DNAH12: variants seen among roughly 807,000 people sequenced by gnomAD.
DNAH12 encodes dynein axonemal heavy chain 12.
A neutral mutation model predicts 371.5 loss-of-function variants in DNAH12; 285 were observed. The ratio of observed to expected loss-of-function variants is 0.77; its 90% CI spans 0.70 to 0.85. DNAH12 has a LOEUF of 0.85. Ranked by LOEUF, DNAH12 falls within the 40% of genes least tolerant of loss-of-function variation. The pLI is 0.00. For missense variants in DNAH12, 3,611 were observed against 3,689.4 expected (o/e 0.98, Z 0.55); for synonymous variants, 1,200 against 1,213.0 (o/e 0.99, Z 0.22).
intron 60 of DNAH12, among the ~76,000 whole-genome samples, chr3:57,341,385 T>C (rs573853682): frequency 5.3e-5 from 8 of 152,218 alleles, no homozygotes; most frequent in Admixed American, 2.6e-4. Context: ...TTAAAACTAA[T>C]AAATTCAGTA....
At chr3:57,514,112 G>A (rs1377818034) in intron 4 of DNAH12, among the ~76,000 whole-genome samples, 2 of 152,042 alleles carry the variant, frequency 1.3e-5, no homozygotes, top group Non-Finnish European at 2.9e-5. Flanking sequence ...AACAAAATGC[G>A]GCCGGGTGCA....
At chr3:57,349,390 C>T (rs2062618635) in intron 60 of DNAH12, among the ~76,000 whole-genome samples, 1 of 152,152 alleles carries the variant, frequency 6.6e-6, no homozygotes, top group East Asian at 1.9e-4. Context: ...CTAGTACAAC[C>T]ACTACAGAAA....
chr3:57,302,529 GTATATATATATATATATATATA>G (rs71088055), intron 69 of DNAH12, among the ~76,000 whole-genome samples: 2 of 47,850 alleles, frequency 4.2e-5, no homozygotes, highest in Non-Finnish European at 6.8e-5. Flanking sequence ...GGCATCAGGT[GTATATATATATATATATATATA>G]TATATATATA....
intron 4 of DNAH12, among the ~76,000 whole-genome samples, chr3:57,513,867 G>A (rs375112878): frequency 3.3e-5 from 5 of 152,212 alleles, no homozygotes; most frequent in African/African-American, 1.2e-4. Context: ...ATTTTGGAAA[G>A]AAATTTTGCA....
At chr3:57,538,587 A>T (rs1299371821) in intron 2 of DNAH12, among the ~76,000 whole-genome samples, 1 of 152,204 alleles carries the variant, frequency 6.6e-6, no homozygotes, top group East Asian at 1.9e-4. Flanking sequence ...TGTGCTTATG[A>T]CATCCTGCTC....
At chr3:57,412,143 G>T (rs534689089) in intron 39 of DNAH12, among the ~76,000 whole-genome samples, 1 of 152,312 alleles carries the variant, frequency 6.6e-6, no homozygotes, top group Non-Finnish European at 1.5e-5. Flanking sequence ...TACCTAGGAG[G>T]CTGAGGCAGA....
rs1328371880 is a variant in DNAH12, at chr3:57,375,868, T to C, written c.8563A>G (p.Thr2855Ala). The C allele has an allele frequency of 6.6e-6, 1 of 152,128 alleles. No individual in the cohort carries two copies. The highest frequency in any genetic ancestry group is 1.5e-5 in the Non-Finnish European group (1 of 68,018). The allele number at this position is 152,128 out of a possible 1,614,324, so 9.4% of individuals were successfully genotyped here. A position where few individuals can be genotyped will look rare whatever the true frequency, so the allele number is the denominator to read the frequency against. Residue 2855 changes from threonine (T) to alanine (A), a missense_variant, in exon 54 of 74, where the codon ACT (threonine) becomes GCT (alanine). By Grantham distance (58) the Thr-to-Ala change is moderately conservative (BLOSUM62 0). Coordinates refer to ENST00000495027, the MANE Select transcript of DNAH12 (RefSeq NM_001366028.2). ...GTACATGTTTGTCGAAAGCCAGAAG[T>C]GAAAGCACCAAGGTAAGCTATTACT... Reference protein sequence around the residue: ...AGVIAYLGAFTSGFRQTCTKD... With the variant: ...AGVIAYLGAFASGFRQTCTKD...
rs17736736 is a variant in DNAH12, at chr3:57,428,798, A to G, written c.5088T>C (p.Gly1696=). The G allele has an allele frequency of 0.028, 43,848 of 1,540,422 alleles. 716 individuals carry two copies. The highest frequency in any genetic ancestry group is 0.033 in the Middle Eastern group (194 of 5,938). The change falls in exon 34 of 74, where the codon GGT becomes GGC. Residue 1696 remains glycine (G), a synonymous_variant. Coordinates refer to ENST00000495027, the MANE Select transcript of DNAH12 (RefSeq NM_001366028.2). The stretch of plus-strand genomic sequence containing the variant: ...ACTGTGAAGGCTCCAAATAAATCAT[A>G]CCACAACGACTTACAGTGGCAGGCT... ...QASPATVSRC[G]MIYLEPSQLG... is the part of the protein sequence containing the mutation.
At chr3:57,336,736 A>G (rs1553653875) in intron 60 of DNAH12, among the ~76,000 whole-genome samples, 1 of 152,216 alleles carries the variant, frequency 6.6e-6, no homozygotes, top group African/African-American at 2.4e-5. Context: ...TTTGGAAGTC[A>G]TCACTCACAT....
intron 11 of DNAH12, among the ~76,000 whole-genome samples, chr3:57,500,805 G>A (rs1471927276): frequency 1.3e-5 from 2 of 152,034 alleles, no homozygotes; most frequent in Non-Finnish European, 2.9e-5. Flanking sequence ...TGCCCAGCTG[G>A]AGTACAGTGG....
chr3:57,338,171 C>T (rs2062278776), intron 60 of DNAH12, among the ~76,000 whole-genome samples: 1 of 152,174 alleles, frequency 6.6e-6, no homozygotes, highest in African/African-American at 2.4e-5. Flanking sequence ...CGACGCCATG[C>T]CTGACTGGTT....
intron 12 of DNAH12, among the ~76,000 whole-genome samples, chr3:57,483,792 A>G (rs1049970475): frequency 2.0e-5 from 3 of 151,674 alleles, no homozygotes; most frequent in Non-Finnish European, 4.4e-5. Flanking sequence ...CAAAAAAAAA[A>G]AATACAAAAA....
rs984581729 is a variant in DNAH12, at chr3:57,349,005, G to A, written c.9674+3080C>T. 6.9e-4 allele frequency among the ~76,000 whole-genome samples: 102 copies of A among 147,538 alleles called. 1 individual carries two copies. The highest frequency in any genetic ancestry group is 2.6e-3 in the African/African-American group (102 of 39,118). On this transcript the variant is annotated intron_variant, in intron 60 of 73. Coordinates refer to ENST00000495027, the MANE Select transcript of DNAH12 (RefSeq NM_001366028.2). ...GACTTAATTAAACTAAAAACCTCCT[G>A]CACAGCAAAAGAAATAATCAGCAGA...
At chr3:57,357,584 A>C (rs1035128379) in intron 58 of DNAH12, among the ~76,000 whole-genome samples, 2 of 152,142 alleles carry the variant, frequency 1.3e-5, no homozygotes, top group African/African-American at 2.4e-5. Flanking sequence ...AAGGAGGAAC[A>C]AGAGAGGAAA....
intron 25 of DNAH12, among the ~76,000 whole-genome samples, chr3:57,451,368 C>T (rs932235863): frequency 1.3e-5 from 2 of 152,142 alleles, no homozygotes; most frequent in Non-Finnish European, 2.9e-5. Context: ...CAGTGGCTCA[C>T]GTCTGCAATC....
intron 12 of DNAH12, among the ~76,000 whole-genome samples, chr3:57,488,367 T>C (rs775829135): frequency 4.6e-5 from 7 of 152,112 alleles, no homozygotes; most frequent in Non-Finnish European, 7.4e-5. Context: ...TAATTTTTTG[T>C]ATTTTTAGTA....
chr3:57,303,668 T>C (rs891675006), intron 69 of DNAH12, among the ~76,000 whole-genome samples: 24 of 152,092 alleles, frequency 1.6e-4, no homozygotes, highest in African/African-American at 4.8e-4. Context: ...CCTTATAAAG[T>C]GTTGGGGTTA....
intron 60 of DNAH12, among the ~76,000 whole-genome samples, chr3:57,348,270 G>C (rs528788865): frequency 6.6e-6 from 1 of 152,068 alleles, no homozygotes; most frequent in Non-Finnish European, 1.5e-5. Flanking sequence ...CATACATAGC[G>C]CATAATTCCA....
At chr3:57,399,174 AC>A (rs2063805201) in intron 43 of DNAH12, among the ~76,000 whole-genome samples, 2 of 152,198 alleles carry the variant, frequency 1.3e-5, no homozygotes, top group African/African-American at 4.8e-5. Flanking sequence ...TAGAATATAA[AC>A]AAAAGGAAAT....
Sources: allele counts gnomAD v4.1 joint callset (sites outside exome capture counted in the v4.1 genomes callset), GRCh38; gene constraint gnomAD v4.1.1; transcripts MANE v1.5; gene names NCBI Gene and HGNC (gene_info 2026-07-23, HGNC 2026-07-21).